The following ZNF397 variants were observed in gnomAD, a reference collection of about 807,000 sequenced individuals.
ZNF397 encodes the protein zinc finger and SCAN domain-containing protein 15.
In ZNF397, 38 loss-of-function variants were observed where a neutral mutation model predicts 50.6. That is an observed-to-expected ratio of 0.75 (90% confidence interval 0.58 to 0.98). The LOEUF (loss-of-function observed/expected upper bound fraction) is 0.98. ZNF397 is among the 50% of genes least tolerant of loss of function. The pLI is 0.00. For synonymous variants in ZNF397, 228 were observed against 215.2 expected (o/e 1.06, Z -0.52); for missense variants, 624 against 624.1 (o/e 1.00, Z 0.00).
intron 5 of ZNF397, among the ~76,000 whole-genome samples, chr18:35,256,690 A>G (rs1258192782): frequency 6.6e-6 from 1 of 152,216 alleles, no homozygotes; most frequent in Non-Finnish European, 1.5e-5. Context: ...AGGGTGGGGT[A>G]CAGATTTATA....
chr18:35,241,876 A>G (rs937886789), intron 1 of ZNF397, among the ~76,000 whole-genome samples: 1 of 152,208 alleles, frequency 6.6e-6, no homozygotes, highest in Non-Finnish European at 1.5e-5. Context: ...GTGAACTTTT[A>G]AAAAAACGTT....
downstream of ZNF397, chr18:35,254,016 C>T (rs1342700471): frequency 6.2e-7 from 1 of 1,614,188 alleles, no homozygotes; most frequent in Non-Finnish European, 8.5e-7. Context: ...AAGGCCTTCC[C>T]ACAGTCAAAG....
chr18:35,247,289 A>G lies in ZNF397; in HGVS notation c.*979A>G. 1 of 546,666 alleles carries G rather than the reference A, an allele frequency of 1.8e-6. No homozygotes were observed. The highest frequency in any genetic ancestry group is 2.3e-6 in the Non-Finnish European group (1 of 428,808). The allele number at this position is 546,666 out of a possible 1,614,324, so 33.9% of individuals were successfully genotyped here. On this transcript the variant is annotated 3_prime_UTR_variant, in exon 4 of 4. Coordinates refer to ENST00000330501, the MANE Select transcript of ZNF397 (RefSeq NM_001135178.3). ...TGTCTTGGTTTATGTGACCCCAGGG[A>G]AAGGGCAAATATGTGGTTTCCTTGC...
chr18:35,245,294 G>T lies in ZNF397; in HGVS notation c.589G>T (p.Gly197Cys). The T allele has an allele frequency of 6.2e-7, 1 of 1,609,672 alleles. No homozygotes were observed. The highest frequency in any genetic ancestry group is 8.5e-7 in the Non-Finnish European group (1 of 1,177,108). Residue 197 changes from glycine (G) to cysteine (C), a missense_variant, in exon 4 of 4, where the codon GGC (glycine) becomes TGC (cysteine). Coordinates refer to ENST00000330501, the MANE Select transcript of ZNF397 (RefSeq NM_001135178.3). ...CENSETATKE[G>C]ISEEKSQGLP... ...GAACAGTGAAACAGCAACAAAAGAG[G>T]GCATCTCAGAAGAAAAATCACAGGG...
chr18:35,255,228 C>T (rs1439751244), intron 5 of ZNF397, among the ~76,000 whole-genome samples: 1 of 151,042 alleles, frequency 6.6e-6, no homozygotes, highest in Non-Finnish European at 1.5e-5. Context: ...TTATGAGTTA[C>T]TGGAAATCTC....
At chr18:35,241,417 A>G (rs559411664) in intron 1 of ZNF397, 2 of 152,224 alleles carry the variant, frequency 1.3e-5, no homozygotes, top group Non-Finnish European at 2.9e-5. Context: ...TTGTAGGCTA[A>G]ATATTTTAAT....
chr18:35,252,709 T>A (rs1400132824), downstream of ZNF397: 5 of 152,172 alleles, frequency 3.3e-5, no homozygotes, highest in Non-Finnish European at 5.9e-5. Context: ...GAAACCCGCA[T>A]TTTTCCTACC....
intron 1 of ZNF397, among the ~76,000 whole-genome samples, chr18:35,241,900 A>G (rs17841888): frequency 0.031 from 4,700 of 152,294 alleles, 182 homozygotes; most frequent in African/African-American, 0.083. Context: ...ACTGCCTTAA[A>G]TGAAAATCAA....
chr18:35,251,029 C>G (rs952019105), downstream of ZNF397: 6 of 152,162 alleles, frequency 3.9e-5, no homozygotes, highest in Non-Finnish European at 8.8e-5. Flanking sequence ...TTATTGTGTT[C>G]CGTATTCCTG....
At position 35,246,421 on chromosome 18, in the gene ZNF397, T is replaced by C. The variant is rs2143604573; in HGVS notation, c.*111T>C. Reference sequence around the variant, plus strand: ...ATAAAGGTTATAAAATACTAGGTCTTGAGTCTAGCTTGCTTTGTGCAGCAT... The same window carrying C: ...ATAAAGGTTATAAAATACTAGGTCTCGAGTCTAGCTTGCTTTGTGCAGCAT... On this transcript the variant is annotated 3_prime_UTR_variant, in exon 4 of 4. Coordinates refer to ENST00000330501, the MANE Select transcript of ZNF397 (RefSeq NM_001135178.3). 1 of 1,453,680 alleles carries C rather than the reference T, an allele frequency of 6.9e-7. No homozygotes were observed. Among genetic ancestry groups the C allele is most frequent in the East Asian group, 2.5e-5 (1 of 40,176 alleles). The allele number at this position is 1,453,680 out of a possible 1,614,324, so 90.0% of individuals were successfully genotyped here.
chr18:35,244,231 G>A (rs1912756353), intron 3 of ZNF397: 1 of 154,216 alleles, frequency 6.5e-6, no homozygotes, highest in African/African-American at 2.4e-5. Context: ...GTGAGGGAGA[G>A]GAGTTGAGGA....
chr18:35,242,620 T>C lies in ZNF397; in HGVS notation c.150T>C (p.Arg50=). ...CTCAATCCTGCCAAGAATTGTTTCG[T>C]CAGCAATTCAGAAAATTTTGCTACC... ...GSTQSCQELF[R]QQFRKFCYQE... Residue 50 remains arginine, a synonymous_variant, in exon 2 of 4, where the codon CGT becomes CGC. Transcript: ENST00000330501. The C allele has an allele frequency of 6.2e-7, 1 of 1,614,236 alleles. No homozygotes were observed. Among genetic ancestry groups the C allele is most frequent in the Non-Finnish European group, 8.5e-7 (1 of 1,180,048 alleles).
At chr18:35,258,440 TTAGAG>T (rs1252874200), downstream of ZNF397, 6 of 158,900 alleles carry the variant, frequency 3.8e-5, no homozygotes, top group African/African-American at 1.2e-4. Context: ...CAGATTCTCA[TTAGAG>T]TATTTTATTT....
Position 35,246,796 on chromosome 18 carries a change from C to T in ZNF397, c.*486C>T. On this transcript the variant is annotated 3_prime_UTR_variant, in exon 4 of 4. Coordinates refer to ENST00000330501, the MANE Select transcript of ZNF397 (RefSeq NM_001135178.3). ...TGGCTTCATCAATGATTTGTTGAGC[C>T]CAGGGCAGGCCAGGAATTAGATAGG... 4.1e-6 allele frequency: 4 copies of T among 984,338 alleles called. No homozygotes were observed. The highest frequency in any genetic ancestry group is 4.8e-6 in the Non-Finnish European group (4 of 830,082). 61.0% of individuals were successfully genotyped at this position (984,338 alleles called of 1,614,324 possible). A position where few individuals can be genotyped will look rare whatever the true frequency, so the allele number is the denominator to read the frequency against.
rs1018068690 is a variant in ZNF397, at chr18:35,247,006, A to G, written c.*696A>G. 1.1e-6 allele frequency: 1 copy of G among 902,466 alleles called. No homozygotes were observed. Among genetic ancestry groups the G allele is most frequent in the African/African-American group, 1.8e-5 (1 of 55,508 alleles). The allele number at this position is 902,466 out of a possible 1,614,324, so 55.9% of individuals were successfully genotyped here. On this transcript the variant is annotated 3_prime_UTR_variant, in exon 4 of 4. Transcript: ENST00000330501. ...TAAGGAGCACCTGACTCAGCCTTGG[A>G]TAAGGAAATGGGGGAAATGGCCTGA...
At chr18:35,250,782 C>G (rs910367554), downstream of ZNF397, among the ~76,000 whole-genome samples, 1 of 152,178 alleles carries the variant, frequency 6.6e-6, no homozygotes, top group Middle Eastern at 3.2e-3. Context: ...AGTCCTAATT[C>G]TGGTGAACAC....
downstream of ZNF397, chr18:35,254,244 C>T: frequency 6.2e-7 from 1 of 1,614,134 alleles, no homozygotes. Flanking sequence ...TTGTCCAGAC[C>T]TCCCAAAGCT....
At chr18:35,244,551 C>A (rs1243587183) in intron 3 of ZNF397, among the ~76,000 whole-genome samples, 2 of 151,996 alleles carry the variant, frequency 1.3e-5, no homozygotes, top group Admixed American at 1.3e-4. Flanking sequence ...TCTGGAGGAA[C>A]GCTCGTGTTT....
chr18:35,252,025 T>C (rs1043306324), downstream of ZNF397: 4 of 152,186 alleles, frequency 2.6e-5, no homozygotes, highest in Non-Finnish European at 5.9e-5. Context: ...GCAGAGGTTA[T>C]AGCCCATACA....
Sources: allele counts gnomAD v4.1 joint callset (sites outside exome capture counted in the v4.1 genomes callset), GRCh38; gene constraint gnomAD v4.1.1; transcripts MANE v1.5; gene names NCBI Gene and HGNC (gene_info 2026-07-23, HGNC 2026-07-21).